SLC25A26: variants seen among roughly 807,000 people sequenced by gnomAD.
SLC25A26 encodes solute carrier family 25 member 26.
Under a neutral mutation model 37.8 loss-of-function variants are expected in SLC25A26, and 36 were observed. That is an observed-to-expected ratio of 0.95 (90% CI 0.73 to 1.26). The LOEUF (loss-of-function observed/expected upper bound fraction) is 1.26, where lower values mean the gene tolerates loss of function less well. SLC25A26 is among the 50% of genes most tolerant of loss of function. The pLI is 0.00. For missense variants in SLC25A26, 390 were observed against 331.1 expected, an observed-to-expected ratio of 1.18 and a Z score of -1.38; for synonymous variants, 129 against 122.5, an observed-to-expected ratio of 1.05 and a Z score of -0.35.
chr3:66,209,262 GT>G, intron 1 of SLC25A26, among the ~76,000 whole-genome samples: 1 of 137,910 alleles, frequency 7.3e-6, no homozygotes, highest in Non-Finnish European at 1.5e-5. Context: ...GTATATATAT[GT>G]GTGTATATAT....
intron 1 of SLC25A26, among the ~76,000 whole-genome samples, chr3:66,209,120 A>G (rs1253994698): frequency 2.7e-5 from 3 of 110,618 alleles, no homozygotes; most frequent in African/African-American, 9.3e-5. Context: ...ATATACACAA[A>G]AAGATATATA....
chr3:66,369,445 A>T, intron 7 of SLC25A26, 33 bp from the exon 8 acceptor site: 1 of 1,570,748 alleles, frequency 6.4e-7, no homozygotes, highest in African/African-American at 1.3e-5. Flanking sequence ...AGTAAACAGG[A>T]TCTCACTTGG....
intron 1 of SLC25A26, among the ~76,000 whole-genome samples, chr3:66,191,803 A>G (rs2070946856): frequency 6.6e-6 from 1 of 151,990 alleles, no homozygotes; most frequent in Non-Finnish European, 1.5e-5. Context: ...AGGCAAGATA[A>G]TTGCTTGAGC....
At chr3:66,219,484 CATT>C (rs1209652117), upstream of SLC25A26, among the ~76,000 whole-genome samples, 1 of 152,196 alleles carries the variant, frequency 6.6e-6, no homozygotes, top group Non-Finnish European at 1.5e-5. Flanking sequence ...CTTTGAAAGA[CATT>C]AATAGCAGCA....
At chr3:66,300,005 A>G (rs183221370) in intron 5 of SLC25A26, among the ~76,000 whole-genome samples, 4 of 152,280 alleles carry the variant, frequency 2.6e-5, no homozygotes, top group Admixed American at 2.6e-4. Flanking sequence ...CTTTGCACGC[A>G]GCATCTGAGT....
Position 66,283,997 on chromosome 3 carries a change from G to A in SLC25A26, c.453+20618G>A, listed in dbSNP as rs540829146. On this transcript the variant is annotated intron_variant, in intron 5 of 9. Coordinates refer to ENST00000354883, the MANE Select transcript of SLC25A26 (RefSeq NM_001379210.1). The stretch of plus-strand genomic sequence containing the variant: ...CTGATGCCACTGAAATGTTATCTGT[G>A]TCTTCACTTTTTTATGCTAAAATAT... Among the ~76,000 whole-genome samples the A allele has an allele frequency of 4.6e-5, 7 of 152,142 alleles. No homozygotes were observed. The South Asian group carries it at 1.5e-3, about 32-fold the overall frequency.
chr3:66,186,888 C>G (rs944642014), intron 1 of SLC25A26, among the ~76,000 whole-genome samples: 2 of 152,070 alleles, frequency 1.3e-5, no homozygotes, highest in African/African-American at 4.8e-5. Context: ...CTGACCATGT[C>G]CCTGAGCTTG....
At chr3:66,133,698 A>G (rs542906578) in exon 1 of SLC25A26, 1 of 152,308 alleles carries the variant, frequency 6.6e-6, no homozygotes, top group African/African-American at 2.4e-5. Flanking sequence ...CTCTTTCCAT[A>G]AATACAAGGA....
At chr3:66,367,621 G>T (rs2076850763) in intron 7 of SLC25A26, among the ~76,000 whole-genome samples, 1 of 152,044 alleles carries the variant, frequency 6.6e-6, no homozygotes, top group Non-Finnish European at 1.5e-5. Flanking sequence ...AGTAAAGTTT[G>T]TTGCCTTTGT....
chr3:66,166,082 C>G (rs2070421650), intron 1 of SLC25A26, among the ~76,000 whole-genome samples: 1 of 152,136 alleles, frequency 6.6e-6, no homozygotes, highest in African/African-American at 2.4e-5. Context: ...ATTCTTGATT[C>G]TGGCTTATTT....
At chr3:66,291,807 C>G (rs1426422810) in intron 5 of SLC25A26, among the ~76,000 whole-genome samples, 1 of 152,154 alleles carries the variant, frequency 6.6e-6, no homozygotes, top group Non-Finnish European at 1.5e-5. Context: ...CTGTAGATGT[C>G]TATTAGGTCC....
intron 1 of SLC25A26, among the ~76,000 whole-genome samples, chr3:66,148,325 G>C (rs548206448): frequency 6.6e-6 from 1 of 152,308 alleles, no homozygotes; most frequent in East Asian, 1.9e-4. Context: ...ACCAGGGCAT[G>C]ATAAAGCACC....
chr3:66,308,707 G>A (rs13073664), intron 5 of SLC25A26, among the ~76,000 whole-genome samples: 26,749 of 151,766 alleles, frequency 0.18, 3,433 homozygotes, highest in East Asian at 0.68. Flanking sequence ...AACTGTTCCT[G>A]GTTTATTGGG....
chr3:66,238,806 A>G (rs2072425399), intron 2 of SLC25A26, among the ~76,000 whole-genome samples: 1 of 152,114 alleles, frequency 6.6e-6, no homozygotes, highest in Admixed American at 6.5e-5. Context: ...GAGGAGGAGG[A>G]GGAAAAAGAG....
chr3:66,370,411 C>A, intron 8 of SLC25A26, 118 bp from the exon 9 acceptor site: 1 of 846,980 alleles, frequency 1.2e-6, no homozygotes, highest in Non-Finnish European at 1.9e-6. Context: ...TCCCTGGTAT[C>A]TGACACTGTG....
chr3:66,282,117 T>C (rs2074366176), intron 5 of SLC25A26, among the ~76,000 whole-genome samples: 1 of 146,808 alleles, frequency 6.8e-6, no homozygotes, highest in African/African-American at 2.5e-5. Flanking sequence ...GTTCACGCCA[T>C]TCTCCTGCCT....
At chr3:66,269,966 G>C (rs190090216) in intron 5 of SLC25A26, among the ~76,000 whole-genome samples, 3 of 152,148 alleles carry the variant, frequency 2.0e-5, no homozygotes, top group Non-Finnish European at 4.4e-5. Context: ...CTTCTACACA[G>C]TGAGCACTCA....
intron 1 of SLC25A26, among the ~76,000 whole-genome samples, chr3:66,212,232 C>T (rs1375966876): frequency 2.0e-5 from 3 of 152,094 alleles, no homozygotes; most frequent in Non-Finnish European, 4.4e-5. Flanking sequence ...CCACCTCAGC[C>T]TCCTGAGGAG....
chr3:66,200,128 G>A (rs2071090410), intron 1 of SLC25A26, among the ~76,000 whole-genome samples: 1 of 152,088 alleles, frequency 6.6e-6, no homozygotes, highest in Non-Finnish European at 1.5e-5. Context: ...CAAATATATA[G>A]TGGCTATTAC....
Sources: allele counts gnomAD v4.1 joint callset (sites outside exome capture counted in the v4.1 genomes callset), GRCh38; gene constraint gnomAD v4.1.1; transcripts MANE v1.5; gene names NCBI Gene and HGNC (gene_info 2026-07-23, HGNC 2026-07-21).